Variants in FCRL5 observed in about 807,000 individuals in gnomAD.
The protein encoded by FCRL5 is Fc receptor like 5, also known as Fc receptor-like protein 5.
FCRL5 carries 79 observed loss-of-function variants against 92.1 expected under a neutral mutation model. The ratio of observed to expected loss-of-function variants is 0.86; its 90% CI spans 0.72 to 1.03. The LOEUF (loss-of-function observed/expected upper bound fraction) is 1.03. Among genes scored for constraint, FCRL5 ranks in the 50% least tolerant of loss-of-function variants. The probability of loss-of-function intolerance (pLI) is 0.00; values close to 1 mark genes in which losing one functional copy is unlikely to be tolerated. For missense variants in FCRL5, 1,160 were observed against 1,181.1 expected (o/e 0.98, Z 0.26); for synonymous variants, 466 against 469.3 (o/e 0.99, Z 0.09).
At chr1:157,531,649 T>C (rs780516416) in intron 8 of FCRL5, among the ~76,000 whole-genome samples, 5 of 152,156 alleles carry the variant, frequency 3.3e-5, no homozygotes, top group Non-Finnish European at 7.3e-5. Context: ...TAAAAAATAA[T>C]GAAATCCTGT....
intron 8 of FCRL5, chr1:157,532,348 T>C (rs992792055): frequency 2.8e-4 from 43 of 152,192 alleles, no homozygotes; most frequent in African/African-American, 1.0e-3. Flanking sequence ...GTATAAGCCA[T>C]TAATGATGAG....
intron 8 of FCRL5, among the ~76,000 whole-genome samples, chr1:157,530,459 C>T (rs368942094): frequency 6.6e-5 from 10 of 152,312 alleles, no homozygotes; most frequent in East Asian, 3.9e-4. Flanking sequence ...CTCCGCCATC[C>T]GGGTTGAAGC....
chr1:157,547,306 G>T, intron 2 of FCRL5, 109 bp from the exon 3 acceptor site: 1 of 1,411,914 alleles, frequency 7.1e-7, no homozygotes. Context: ...TCTGAAAGAG[G>T]TCCTCTGGGA....
At chr1:157,546,832 G>T in intron 3 of FCRL5, 111 bp downstream of exon 3, 1 of 1,324,056 alleles carries the variant, frequency 7.6e-7, no homozygotes, top group Non-Finnish European at 1.0e-6. Context: ...ACCACAGTGT[G>T]AAATAAAATT....
At chr1:157,515,946 C>T (rs1649906444) in intron 15 of FCRL5, 73 bp from the exon 16 acceptor site, 18 of 1,570,978 alleles carry the variant, frequency 1.1e-5, no homozygotes, top group Middle Eastern at 2.3e-4. Flanking sequence ...CGCTGTGGGG[C>T]CAGCCCTGAG....
At chr1:157,545,527 T>G (rs1326147285) in intron 3 of FCRL5, among the ~76,000 whole-genome samples, 12 of 140,446 alleles carry the variant, frequency 8.5e-5, no homozygotes, top group Non-Finnish European at 7.7e-5. Context: ...AATGAGTTTT[T>G]TTTTTTTTTT....
At chr1:157,526,032 A>G (rs1413300527) in intron 9 of FCRL5, among the ~76,000 whole-genome samples, 1 of 152,224 alleles carries the variant, frequency 6.6e-6, no homozygotes, top group Non-Finnish European at 1.5e-5. Context: ...GATCATCCAG[A>G]CAAAGGATTT....
In FCRL5 at chr1:157,524,477, C is replaced by T; in HGVS notation, c.2041G>A (p.Glu681Lys). The T allele has an allele frequency of 1.2e-6, 2 of 1,614,232 alleles. No homozygotes were observed. The highest frequency in any genetic ancestry group is 1.7e-6 in the Non-Finnish European group (2 of 1,180,030). ...ATTGGGGAGGAGCCTCTCAGGGCCT[C>T]ACAGTGAAGCTCCAGCAGGTCCCCC... is the stretch of plus-strand genomic sequence containing the variant. The part of the protein sequence containing the change: ...VVGDLLELHC[E>K]ALRGSSPILY... Residue 681 changes from glutamate to lysine, a missense_variant, in exon 10 of 17, where the codon GAG becomes AAG. Transcript: ENST00000361835.
At position 157,544,534 on chromosome 1, in the gene FCRL5, C is replaced by T. The variant is rs140080936; in HGVS notation, c.572G>A (p.Arg191His). Residue 191 changes from arginine (R) to histidine (H), a missense_variant, in exon 5 of 17, where the codon CGT becomes CAT. Arg to His is a conservative substitution (Grantham distance 29). Transcript: ENST00000361835. ...VKIQVQEPFT[R>H]PVLRASSFQP... is the part of the protein sequence containing the mutation. ...GAAGGAGCTGGCTCTCAGCACTGGA[C>T]GTGTAAATGGCTCTAGAGAGAAGAA... 4.4e-4 allele frequency: 703 copies of T among 1,613,866 alleles called. 1 individual carries two copies. The highest frequency in any genetic ancestry group is 5.8e-4 in the Admixed American group (35 of 60,024).
chr1:157,537,766 C>T (rs1346000313), intron 7 of FCRL5, among the ~76,000 whole-genome samples: 1 of 152,122 alleles, frequency 6.6e-6, no homozygotes, highest in Admixed American at 6.5e-5. Flanking sequence ...TTTCTGAGAC[C>T]AGCTGACACT....
At chr1:157,535,777 G>A (rs1485916616) in intron 7 of FCRL5, among the ~76,000 whole-genome samples, 2 of 152,000 alleles carry the variant, frequency 1.3e-5, no homozygotes, top group Non-Finnish European at 2.9e-5. Context: ...AATGAGGTAG[G>A]TATTATTGTT....
In FCRL5 at chr1:157,527,840, C is replaced by CA; in HGVS notation, c.1736dup (p.Asp581GlyfsTer8). Reference sequence around the variant, plus strand: ...CACAGTGAAGCTCCAGCAGGTCCCCCACCACAGCCTGGGCCCTGGGAACCC... The same window carrying CA: ...CACAGTGAAGCTCCAGCAGGTCCCCCAACCACAGCCTGGGCCCTGGGAACCC... On this transcript the variant is annotated frameshift_variant, in exon 9 of 17. Transcript: ENST00000361835. LOFTEE classifies it high-confidence loss of function. 3.1e-6 allele frequency: 5 copies of CA among 1,611,230 alleles called. No individual in the cohort carries two copies. The highest frequency in any genetic ancestry group is 4.2e-6 in the Non-Finnish European group (5 of 1,178,344).
intron 10 of FCRL5, 53 bp downstream of exon 10, chr1:157,524,226 G>C (rs533527950): frequency 1.9e-6 from 3 of 1,596,316 alleles, no homozygotes; most frequent in Middle Eastern, 1.7e-4. Context: ...GCTGCAGGGA[G>C]AACAGGCACA....
At chr1:157,534,238 T>G in intron 8 of FCRL5, 1 of 613,252 alleles carries the variant, frequency 1.6e-6, no homozygotes. Flanking sequence ...TTTGGAGAAT[T>G]TAAGGTCTTG....
intron 12 of FCRL5, 123 bp downstream of exon 12, chr1:157,520,308 A>T: frequency 1.5e-6 from 1 of 683,766 alleles, no homozygotes; most frequent in South Asian, 1.9e-5. Context: ...AAGGAAGAGG[A>T]TTGAGGGACA....
At chr1:157,549,256 A>C (rs1558144272) in intron 2 of FCRL5, among the ~76,000 whole-genome samples, 1 of 122,236 alleles carries the variant, frequency 8.2e-6, no homozygotes, top group Non-Finnish European at 1.6e-5. Flanking sequence ...GGACACAGGA[A>C]GGGGAACATC....
intron 15 of FCRL5, among the ~76,000 whole-genome samples, chr1:157,517,401 A>C (rs755569771): frequency 6.6e-5 from 10 of 152,154 alleles, no homozygotes; most frequent in Non-Finnish European, 1.3e-4. Context: ...GGAAAAGAGG[A>C]CCTTTCAGAT....
At chr1:157,545,522 GTTTT>G (rs754972248) in intron 3 of FCRL5, among the ~76,000 whole-genome samples, 1 of 84,940 alleles carries the variant, frequency 1.2e-5, no homozygotes, top group African/African-American at 5.0e-5. Flanking sequence ...TCTTTAATGA[GTTTT>G]TTTTTTTTTT....
In FCRL5 at chr1:157,539,336, G is replaced by A. The variant is rs774420557; in HGVS notation, c.1152C>T (p.Leu384=). The change falls in exon 7 of 17, where the codon CTC becomes CTT. Residue 384 remains leucine, a synonymous_variant. Coordinates refer to ENST00000361835, the MANE Select transcript of FCRL5 (RefSeq NM_031281.3). The stretch of plus-strand genomic sequence containing the variant: ...CAAAAATCAGGTCCTCAGGAGAGCT[G>A]AGGTTGAGGACAGGATGAGACACGG... The part of the protein sequence containing the change: ...TVPVSHPVLN[L]SSPEDLIFEG... The A allele has an allele frequency of 1.2e-6, 2 of 1,613,830 alleles. No individual in the cohort carries two copies. The highest frequency in any genetic ancestry group is 1.7e-6 in the Non-Finnish European group (2 of 1,179,926).
Sources: gnomAD v4.1 joint callset for allele counts (sites outside exome capture counted in the v4.1 genomes callset) on GRCh38, gnomAD v4.1.1 for gene constraint, MANE v1.5 for transcripts, NCBI Gene and HGNC (gene_info 2026-07-23, HGNC 2026-07-21) for gene names.